Variants in DAB1 observed in about 807,000 individuals in gnomAD.
DAB1 encodes disabled homolog 1.
A neutral mutation model predicts 64.6 loss-of-function variants in DAB1; 15 were observed. That is an observed-to-expected ratio of 0.23 (90% CI 0.16 to 0.36). DAB1 has a LOEUF of 0.36. Ranked by LOEUF, DAB1 falls within the 10% of genes least tolerant of loss-of-function variation. The pLI is 1.00. For synonymous variants in DAB1, 235 were observed against 251.9 expected, an observed-to-expected ratio of 0.93 and a Z score of 0.64; for missense variants, 596 against 706.7, an observed-to-expected ratio of 0.84 and a Z score of 1.78.
At chr1:57,995,815 G>A (rs561152186) in intron 5 of DAB1, among the ~76,000 whole-genome samples, 2 of 151,382 alleles carry the variant, frequency 1.3e-5, no homozygotes, top group Non-Finnish European at 2.9e-5. Flanking sequence ...GAGAGTCTCA[G>A]GTTTCTCAGA....
At chr1:57,837,640 C>T (rs1652864855) in intron 1 of DAB1, among the ~76,000 whole-genome samples, 1 of 152,112 alleles carries the variant, frequency 6.6e-6, no homozygotes, top group Non-Finnish European at 1.5e-5. Flanking sequence ...GCACAAAATC[C>T]TCATTATCTG....
intron 7 of DAB1, among the ~76,000 whole-genome samples, chr1:57,599,314 C>A (rs748279316): frequency 4.0e-5 from 6 of 151,820 alleles, no homozygotes; most frequent in Non-Finnish European, 8.8e-5. Flanking sequence ...CCCAACAGGG[C>A]TCTCTCTCTC....
intron 1 of DAB1, among the ~76,000 whole-genome samples, chr1:57,419,671 A>G (rs2101083544): frequency 6.6e-6 from 1 of 152,374 alleles, no homozygotes; most frequent in East Asian, 1.9e-4. Context: ...AAGTAACTTT[A>G]CATGCTAGGT....
At chr1:57,150,813 T>C (rs1301396479) in intron 2 of DAB1, among the ~76,000 whole-genome samples, 1 of 152,148 alleles carries the variant, frequency 6.6e-6, no homozygotes, top group Non-Finnish European at 1.5e-5. Flanking sequence ...GCTTAGACTG[T>C]TTAGCAATCC....
chr1:58,393,739 G>C (rs970726302), intron 3 of DAB1, among the ~76,000 whole-genome samples: 30 of 152,192 alleles, frequency 2.0e-4, no homozygotes. Flanking sequence ...AATGGGGAAA[G>C]GGGAGATGTT....
intron 1 of DAB1, chr1:58,534,421 G>C: frequency 1.6e-6 from 1 of 616,214 alleles, no homozygotes; most frequent in East Asian, 3.0e-5. Context: ...ACTTATTATT[G>C]AACATTTTAA....
chr1:57,400,705 C>A lies in DAB1; in HGVS notation c.-137+23225G>T, dbSNP rs269052. On this transcript the variant is annotated intron_variant, in intron 1 of 14. Coordinates refer to ENST00000371236, the MANE Select transcript of DAB1 (RefSeq NM_001365792.1). ...CTGTTTATTTGAGAGAATTCTCACACAAATCCACTGCATTACCATCTAGTA... is the reference window on the plus strand; with the variant it reads ...CTGTTTATTTGAGAGAATTCTCACAAAAATCCACTGCATTACCATCTAGTA... Among the ~76,000 whole-genome samples the A allele has an allele frequency of 7.9e-3, 1,196 of 152,054 alleles. 18 individuals are homozygous for A. Among genetic ancestry groups the A allele is most frequent in the African/African-American group, 0.027 (1,099 of 41,468 alleles).
intron 7 of DAB1, among the ~76,000 whole-genome samples, chr1:57,448,899 C>T (rs1005281838): frequency 4.9e-4 from 74 of 152,156 alleles, no homozygotes; most frequent in African/African-American, 1.7e-3. Flanking sequence ...ATTTTATGCT[C>T]CAAATGTTGG....
At chr1:58,373,121 T>C (rs1459312738) in intron 3 of DAB1, among the ~76,000 whole-genome samples, 2 of 152,020 alleles carry the variant, frequency 1.3e-5, no homozygotes, top group Non-Finnish European at 2.9e-5. Context: ...TAAAAATTAA[T>C]AAAGTTTACT....
chr1:57,139,931 T>C (rs1042080265), intron 3 of DAB1, among the ~76,000 whole-genome samples: 2 of 152,164 alleles, frequency 1.3e-5, no homozygotes, highest in African/African-American at 2.4e-5. Flanking sequence ...CATAAGGTGC[T>C]ATCTTTGGGG....
intron 1 of DAB1, among the ~76,000 whole-genome samples, chr1:57,849,413 T>A (rs1428919287): frequency 6.6e-6 from 1 of 152,132 alleles, no homozygotes; most frequent in Non-Finnish European, 1.5e-5. Context: ...AACTAGGAAG[T>A]GAGAAATCTA....
At chr1:58,267,377 A>G (rs1661195841) in intron 4 of DAB1, among the ~76,000 whole-genome samples, 2 of 152,042 alleles carry the variant, frequency 1.3e-5, no homozygotes, top group Non-Finnish European at 2.9e-5. Context: ...CTGCTCTTCT[A>G]TTCTTTGCAG....
At chr1:57,148,176 A>T (rs76779415) in intron 2 of DAB1, among the ~76,000 whole-genome samples, 5,326 of 152,286 alleles carry the variant, frequency 0.035, 305 homozygotes, top group African/African-American at 0.12. Flanking sequence ...TATGAGTCAG[A>T]TACAAAGAAG....
chr1:57,829,163 G>A (rs557480461), intron 1 of DAB1, among the ~76,000 whole-genome samples: 222 of 152,242 alleles, frequency 1.5e-3, no homozygotes, highest in Non-Finnish European at 2.5e-3. Context: ...CTGAGCTGAG[G>A]CTGATTCTTC....
At chr1:57,162,263 G>A (rs1282402915) in intron 2 of DAB1, among the ~76,000 whole-genome samples, 1 of 152,174 alleles carries the variant, frequency 6.6e-6, no homozygotes, top group Non-Finnish European at 1.5e-5. Flanking sequence ...TCTTGCTTTG[G>A]GAGAAGCACA....
At chr1:57,115,422 A>T (rs1656024716) in intron 4 of DAB1, among the ~76,000 whole-genome samples, 1 of 152,168 alleles carries the variant, frequency 6.6e-6, no homozygotes, top group Non-Finnish European at 1.5e-5. Context: ...AGTGAGACAT[A>T]CTCTAGAACA....
chr1:58,417,332 G>A (rs1327309502), intron 3 of DAB1, among the ~76,000 whole-genome samples: 1 of 152,238 alleles, frequency 6.6e-6, no homozygotes, highest in African/African-American at 2.4e-5. Flanking sequence ...CGGGATCTTG[G>A]GAGGAGGGTG....
intron 5 of DAB1, among the ~76,000 whole-genome samples, chr1:57,930,310 C>T (rs76859524): frequency 1.3e-5 from 2 of 152,188 alleles, no homozygotes; most frequent in Non-Finnish European, 2.9e-5. Context: ...TGGAAGTTGA[C>T]AAGTGTCAGT....
At chr1:57,218,041 C>T (rs779441821) in intron 2 of DAB1, among the ~76,000 whole-genome samples, 2 of 152,096 alleles carry the variant, frequency 1.3e-5, no homozygotes, top group East Asian at 1.9e-4. Flanking sequence ...ATTATGGAAA[C>T]GTGACAAGTA....
Sources: allele counts gnomAD v4.1 joint callset (sites outside exome capture counted in the v4.1 genomes callset), GRCh38; gene constraint gnomAD v4.1.1; transcripts MANE v1.5; gene names NCBI Gene and HGNC (gene_info 2026-07-23, HGNC 2026-07-21).